The following HAS2 variants were observed in gnomAD, a reference collection of about 807,000 sequenced individuals.
The protein encoded by HAS2 is HA synthase 2.
In HAS2, 16 loss-of-function variants were observed where a neutral mutation model predicts 51.6. The observed-to-expected ratio is 0.31, with a 90% CI of 0.21 to 0.47. HAS2 has a LOEUF of 0.47. Ranked by LOEUF, HAS2 falls within the 20% of genes least tolerant of loss-of-function variation. HAS2 has a pLI of 1.00. For missense variants in HAS2, 361 were observed against 662.6 expected (o/e 0.54, Z 5.00); for synonymous variants, 228 against 235.5 (o/e 0.97, Z 0.29).
At chr8:121,621,555 T>A (rs538308006) in intron 2 of HAS2, among the ~76,000 whole-genome samples, 1 of 152,320 alleles carries the variant, frequency 6.6e-6, no homozygotes, top group South Asian at 2.1e-4. Context: ...CCTAAAGGAT[T>A]ATGTCAATTA....
At position 121,628,979 on chromosome 8, in the gene HAS2, T is replaced by C; in HGVS notation, c.362A>G (p.Asp121Gly). The C allele has an allele frequency of 6.2e-7, 1 of 1,614,158 alleles. No homozygotes were observed. The highest frequency in any genetic ancestry group is 8.5e-7 in the Non-Finnish European group (1 of 1,179,984). The change falls in exon 2 of 4, where the codon GAT (aspartate) becomes GGT (glycine). Residue 121 changes from aspartate to glycine, a missense_variant. Physicochemically the swap from Asp to Gly is moderately conservative, Grantham distance 94 (BLOSUM62 -1). Transcript: ENST00000303924. ...GTAAAGGTCATCTTCTGAGTTCCCA[T>C]CTATGACCATGACAACTTTAATCCC... ...YPGIKVVMVI[D>G]GNSEDDLYMM...
chr8:121,618,387 T>TG (rs948841659), intron 2 of HAS2, among the ~76,000 whole-genome samples: 5 of 152,170 alleles, frequency 3.3e-5, no homozygotes, highest in African/African-American at 9.6e-5. Flanking sequence ...TACCTGTTCC[T>TG]GGGGGGGTGC....
chr8:121,625,668 C>A (rs1341786543), intron 2 of HAS2, among the ~76,000 whole-genome samples: 5 of 148,506 alleles, frequency 3.4e-5, no homozygotes, highest in Non-Finnish European at 5.9e-5. Context: ...ACCACCAAGT[C>A]CAGCTAATTT....
intron 2 of HAS2, among the ~76,000 whole-genome samples, chr8:121,619,556 A>T (rs1267398332): frequency 6.6e-6 from 1 of 152,134 alleles, no homozygotes; most frequent in Non-Finnish European, 1.5e-5. Context: ...AAAATTAGGC[A>T]GAAGCTAGGC....
Position 121,613,611 on chromosome 8 carries a change from A to G in HAS2, c.*498T>C, listed in dbSNP as rs1812664763. 6.4e-6 allele frequency: 1 copy of G among 155,260 alleles called. No homozygotes were observed. The highest frequency in any genetic ancestry group is 6.3e-5 in the Admixed American group (1 of 15,846). 9.6% of individuals were successfully genotyped at this position (155,260 alleles called of 1,614,324 possible). A position where few individuals can be genotyped will look rare whatever the true frequency, so the allele number is the denominator to read the frequency against. On this transcript the variant is annotated 3_prime_UTR_variant, in exon 4 of 4. Transcript: ENST00000303924. The stretch of plus-strand genomic sequence containing the variant: ...CATACAAAATTTAAAAACACAGTAC[A>G]ATTATATCAAAATACAGCACAGCCA...
intron 1 of HAS2, among the ~76,000 whole-genome samples, chr8:121,638,380 A>G (rs894629645): frequency 6.6e-6 from 1 of 152,196 alleles, no homozygotes; most frequent in African/African-American, 2.4e-5. Context: ...TGATTTGTTA[A>G]GTCCTTGAAT....
At chr8:121,622,781 T>G (rs1812790153) in intron 2 of HAS2, among the ~76,000 whole-genome samples, 2 of 152,152 alleles carry the variant, frequency 1.3e-5, no homozygotes, top group Non-Finnish European at 2.9e-5. Context: ...TATAACTTTA[T>G]TTTTTAATCT....
intron 1 of HAS2, among the ~76,000 whole-genome samples, chr8:121,638,513 T>A (rs1813043471): frequency 6.6e-6 from 1 of 152,144 alleles, no homozygotes; most frequent in South Asian, 2.1e-4. Flanking sequence ...CCGACTCAGG[T>A]GATATCTAAG....
In HAS2 at chr8:121,612,849, G is replaced by T. The variant is rs947892975; in HGVS notation, c.*1260C>A. ...GAAAGTAAAAGAGGATAGATACTTGGTGATTCTATCTGCCAATTTTGAATT... is the reference window on the plus strand; with the variant it reads ...GAAAGTAAAAGAGGATAGATACTTGTTGATTCTATCTGCCAATTTTGAATT... On this transcript the variant is annotated 3_prime_UTR_variant, in exon 4 of 4. Coordinates refer to ENST00000303924, the MANE Select transcript of HAS2 (RefSeq NM_005328.3). 1.3e-5 allele frequency: 2 copies of T among 151,606 alleles called. No homozygotes were observed. Among genetic ancestry groups the T allele is most frequent in the African/African-American group, 2.4e-5 (1 of 41,266 alleles). The allele number at this position is 151,606 out of a possible 1,614,324, so 9.4% of individuals were successfully genotyped here.
At chr8:121,619,499 G>A (rs895234403) in intron 2 of HAS2, among the ~76,000 whole-genome samples, 4 of 151,630 alleles carry the variant, frequency 2.6e-5, no homozygotes, top group Non-Finnish European at 5.9e-5. Flanking sequence ...CTGTCTTTTT[G>A]TCATTCCATT....
rs1554597333 is a variant in HAS2 at position 121,641,161 on chromosome 8, T to TTC, written c.-310_-309insGA. ...CTTTTCTTTTTTCTTTTCTTTTCTT[T>TTC]TTTTTTTTTTTTTTTTTTTGGGCTT... On this transcript the variant is annotated 5_prime_UTR_variant, in exon 1 of 4. Transcript: ENST00000303924. 7.7e-5 allele frequency: 6 copies of TTC among 77,480 alleles called. No individual in the cohort carries two copies. Among genetic ancestry groups the TTC allele is most frequent in the African/African-American group, 1.6e-4 (2 of 12,830 alleles). The allele number at this position is 77,480 out of a possible 1,614,324, so 4.8% of individuals were successfully genotyped here.
chr8:121,619,077 T>G (rs191133499), intron 2 of HAS2, among the ~76,000 whole-genome samples: 5 of 152,202 alleles, frequency 3.3e-5, no homozygotes, highest in Admixed American at 1.3e-4. Flanking sequence ...AATCCCAACA[T>G]TTTTAAAAGC....
intron 2 of HAS2, among the ~76,000 whole-genome samples, chr8:121,627,317 C>T (rs1357259459): frequency 2.0e-5 from 3 of 152,046 alleles, no homozygotes; most frequent in Non-Finnish European, 4.4e-5. Flanking sequence ...TACCAAATGT[C>T]CAAAGATAAC....
intron 1 of HAS2, among the ~76,000 whole-genome samples, chr8:121,638,671 T>G (rs1813045585): frequency 6.6e-6 from 1 of 152,204 alleles, no homozygotes; most frequent in African/African-American, 2.4e-5. Context: ...TGTTAAATTG[T>G]CATTGAAAAT....
chr8:121,624,320 T>C (rs1812813317), intron 2 of HAS2, among the ~76,000 whole-genome samples: 1 of 152,156 alleles, frequency 6.6e-6, no homozygotes, highest in African/African-American at 2.4e-5. Context: ...AGGATAATTG[T>C]TTACAGTATA....
rs780804533 is a variant in HAS2, at chr8:121,629,347, T to A, written c.1-7A>T. 24 of 1,593,984 alleles carry A rather than the reference T, an allele frequency of 1.5e-5. No homozygotes were observed. The Admixed American group carries it at 4.1e-4, about 27-fold the overall frequency. On this transcript the variant is annotated splice_polypyrimidine_tract_variant and splice_region_variant and intron_variant, in intron 1 of 3. Coordinates refer to ENST00000303924, the MANE Select transcript of HAS2 (RefSeq NM_005328.3). ...GAAACCTCTCACAATGCATCTGTAA[T>A]ATAATCAGATGATACTCTTGGTTAA...
At chr8:121,629,733 A>G (rs1812904360) in intron 1 of HAS2, among the ~76,000 whole-genome samples, 1 of 152,176 alleles carries the variant, frequency 6.6e-6, no homozygotes, top group Non-Finnish European at 1.5e-5. Flanking sequence ...TCATTCTTCT[A>G]TATAGTCCCC....
intron 1 of HAS2, among the ~76,000 whole-genome samples, chr8:121,639,041 ACTTATCATATGC>A (rs1198091569): frequency 1.3e-5 from 2 of 152,238 alleles, no homozygotes; most frequent in Non-Finnish European, 2.9e-5. Flanking sequence ...CGCCAGAAGT[ACTTATCATATGC>A]CTTAACCGCA....
chr8:121,638,742 ACAGTAC>A (rs1308532700), intron 1 of HAS2, among the ~76,000 whole-genome samples: 1 of 152,252 alleles, frequency 6.6e-6, no homozygotes, highest in Non-Finnish European at 1.5e-5. Context: ...TACTCAAAAT[ACAGTAC>A]CTCAGCTGTA....
Sources: allele counts gnomAD v4.1 joint callset (sites outside exome capture counted in the v4.1 genomes callset), GRCh38; gene constraint gnomAD v4.1.1; transcripts MANE v1.5; gene names NCBI Gene and HGNC (gene_info 2026-07-23, HGNC 2026-07-21).